RALYL: variants seen among roughly 807,000 people sequenced by gnomAD.
RALYL encodes RNA-binding Raly-like protein.
RALYL carries 29 observed loss-of-function variants against 35.1 expected under a neutral mutation model. The ratio of observed to expected loss-of-function variants is 0.83; its 90% CI spans 0.61 to 1.13. The LOEUF (loss-of-function observed/expected upper bound fraction) is 1.13. Among genes scored for constraint, RALYL ranks in the 50% most tolerant of loss-of-function variants. The probability of loss-of-function intolerance (pLI) is 0.00; values close to 1 mark genes in which losing one functional copy is unlikely to be tolerated. For synonymous variants in RALYL, 120 were observed against 127.6 expected (o/e 0.94, Z 0.40); for missense variants, 359 against 360.4 (o/e 1.00, Z 0.03).
At chr8:84,506,979 A>C (rs186314558) in intron 1 of RALYL, among the ~76,000 whole-genome samples, 1 of 152,166 alleles carries the variant, frequency 6.6e-6, no homozygotes, top group African/African-American at 2.4e-5. Context: ...TCAGAGTAAG[A>C]CTGTCATCTA....
At chr8:84,256,255 A>G (rs1053632469) in intron 1 of RALYL, among the ~76,000 whole-genome samples, 3 of 152,176 alleles carry the variant, frequency 2.0e-5, no homozygotes, top group Non-Finnish European at 4.4e-5. Flanking sequence ...ATGTATATGC[A>G]AAAATATATT....
intron 1 of RALYL, among the ~76,000 whole-genome samples, chr8:84,497,650 T>TC (rs1020117975): frequency 6.7e-6 from 1 of 148,588 alleles, no homozygotes; most frequent in Non-Finnish European, 1.5e-5. Context: ...TTGTTTTTTT[T>TC]TTTTTTTTTG....
intron 1 of RALYL, among the ~76,000 whole-genome samples, chr8:84,353,860 T>C (rs1851353192): frequency 6.7e-6 from 1 of 150,002 alleles, no homozygotes; most frequent in Non-Finnish European, 1.5e-5. Context: ...CATAAATGTC[T>C]TTGTTCCTCT....
At chr8:84,822,211 G>C (rs1329693685) in intron 4 of RALYL, among the ~76,000 whole-genome samples, 1 of 152,102 alleles carries the variant, frequency 6.6e-6, no homozygotes, top group East Asian at 1.9e-4. Flanking sequence ...TTTTAAAAGT[G>C]AGGTTCTCTA....
At chr8:84,842,808 T>C (rs949527401) in intron 4 of RALYL, among the ~76,000 whole-genome samples, 2 of 152,084 alleles carry the variant, frequency 1.3e-5, no homozygotes, top group African/African-American at 2.4e-5. Context: ...GCAAGGCTGG[T>C]TCAACATAAG....
intron 1 of RALYL, among the ~76,000 whole-genome samples, chr8:84,240,025 T>C (rs1481562757): frequency 6.6e-6 from 1 of 151,970 alleles, no homozygotes; most frequent in Non-Finnish European, 1.5e-5. Context: ...AGACCAACAA[T>C]AGAAAGCCAA....
intron 2 of RALYL, among the ~76,000 whole-genome samples, chr8:84,698,415 A>G (rs1191260425): frequency 6.6e-6 from 1 of 152,110 alleles, no homozygotes; most frequent in Admixed American, 6.6e-5. Flanking sequence ...AAATTATAAT[A>G]TAGAGTCCCA....
chr8:84,641,655 T>C (rs770746388), intron 2 of RALYL, among the ~76,000 whole-genome samples: 1 of 151,888 alleles, frequency 6.6e-6, no homozygotes, highest in Non-Finnish European at 1.5e-5. Flanking sequence ...GTTATTTCCC[T>C]GTTAACCATT....
intron 1 of RALYL, among the ~76,000 whole-genome samples, chr8:84,398,314 T>G (rs1032010267): frequency 6.6e-6 from 1 of 152,128 alleles, no homozygotes; most frequent in African/African-American, 2.4e-5. Flanking sequence ...TTTCTTTTTT[T>G]TTTATCCTTG....
intron 2 of RALYL, among the ~76,000 whole-genome samples, chr8:84,713,625 C>G (rs541914666): frequency 1.3e-5 from 2 of 152,000 alleles, no homozygotes; most frequent in Non-Finnish European, 2.9e-5. Context: ...TTATTTTACA[C>G]TGTTGGTAGG....
At chr8:84,811,856 T>C (rs776273288) in intron 4 of RALYL, among the ~76,000 whole-genome samples, 12 of 152,208 alleles carry the variant, frequency 7.9e-5, no homozygotes, top group Non-Finnish European at 1.2e-4. Context: ...CAGTGTTTCC[T>C]GAATTTTTTA....
At chr8:84,458,615 C>T (rs1235876843) in intron 1 of RALYL, among the ~76,000 whole-genome samples, 2 of 151,370 alleles carry the variant, frequency 1.3e-5, no homozygotes, top group African/African-American at 4.8e-5. Flanking sequence ...GTTTTAAGGA[C>T]AAAAGATTTC....
chr8:84,336,032 G>A (rs1335145407), intron 1 of RALYL, among the ~76,000 whole-genome samples: 1 of 152,100 alleles, frequency 6.6e-6, no homozygotes, highest in African/African-American at 2.4e-5. Context: ...CTGGCATATG[G>A]CATACGTGGA....
At chr8:84,617,806 T>C (rs1239727417) in intron 2 of RALYL, among the ~76,000 whole-genome samples, 2 of 151,596 alleles carry the variant, frequency 1.3e-5, no homozygotes. Context: ...GCATGAAGCG[T>C]TGTTGAATTT....
chr8:84,600,650 T>A (rs1815717653), intron 2 of RALYL, among the ~76,000 whole-genome samples: 1 of 152,160 alleles, frequency 6.6e-6, no homozygotes. Context: ...AGCCCATCTG[T>A]TAGAGCAAAG....
In RALYL at chr8:84,451,065, A is replaced by C. The variant is rs376335873; in HGVS notation, c.-23-78234A>C. ...CTATCAGATTAAGTAAGAATATTTC[A>C]AGTAAGCATTTCCAATTTCTATTCG... On this transcript the variant is annotated intron_variant, in intron 1 of 8. Coordinates refer to ENST00000521268, the MANE Select transcript of RALYL (RefSeq NM_173848.7). 2.0e-4 allele frequency among the ~76,000 whole-genome samples: 30 copies of C among 152,090 alleles called. 2 individuals are homozygous for C. The South Asian group carries it at 4.1e-3, about 21-fold the overall frequency.
intron 2 of RALYL, among the ~76,000 whole-genome samples, chr8:84,638,811 G>C (rs1588676659): frequency 7.9e-6 from 1 of 125,834 alleles, no homozygotes; most frequent in Non-Finnish European, 1.8e-5. Context: ...AAACTATGTT[G>C]TTATGGAGTC....
intron 2 of RALYL, among the ~76,000 whole-genome samples, chr8:84,712,894 T>C (rs1470817462): frequency 3.9e-5 from 6 of 152,178 alleles, no homozygotes; most frequent in Non-Finnish European, 7.4e-5. Context: ...TTTGCAAACA[T>C]TTTCTTCCAT....
intron 1 of RALYL, among the ~76,000 whole-genome samples, chr8:84,245,471 G>A (rs951461477): frequency 9.9e-5 from 15 of 152,066 alleles, no homozygotes; most frequent in Admixed American, 7.2e-4. Context: ...CAAATGAAAG[G>A]CTGATAAATT....
Sources: gnomAD v4.1 joint callset for allele counts (sites outside exome capture counted in the v4.1 genomes callset) on GRCh38, gnomAD v4.1.1 for gene constraint, MANE v1.5 for transcripts, NCBI Gene and HGNC (gene_info 2026-07-23, HGNC 2026-07-21) for gene names.